FAM170B: variants seen among roughly 807,000 people sequenced by gnomAD.
The protein encoded by FAM170B is protein FAM170B.
A neutral mutation model predicts 3.9 loss-of-function variants in FAM170B; 4 were observed. The ratio of observed to expected loss-of-function variants is 1.01; its 90% CI spans 0.50 to 2.32. The LOEUF is 2.32. Among genes scored for constraint, FAM170B ranks in the 30% most tolerant of loss-of-function variants. The pLI is 0.02. For synonymous variants in FAM170B, 163 were observed against 149.8 expected (o/e 1.09, Z -0.64); for missense variants, 417 against 368.6 (o/e 1.13, Z -1.07).
Position 49,132,132 on chromosome 10 carries a change from C to A in FAM170B, c.333G>T (p.Thr111=). Residue 111 remains threonine (T), a synonymous_variant, in exon 2 of 2, where the codon ACG becomes ACT. Coordinates refer to ENST00000311787, the MANE Select transcript of FAM170B (RefSeq NM_001164484.2). Reference sequence around the variant, plus strand: ...CCACACCCCGCACAGTCTGCACGTGCGTGTAGAAGGCACACACACTCTGCG... The same window carrying A: ...CCACACCCCGCACAGTCTGCACGTGAGTGTAGAAGGCACACACACTCTGCG... ...AAPQSVCAFY[T]HVQTVRGVAV... 1.3e-6 allele frequency: 2 copies of A among 1,551,740 alleles called. No homozygotes were observed. The highest frequency in any genetic ancestry group is 1.7e-4 in the Middle Eastern group (1 of 5,992).
rs1020175450 is a variant in FAM170B at position 49,131,949 on chromosome 10, G to C, written c.516C>G (p.Asn172Lys). Reference protein sequence around the residue: ...MRWDLEACKSNCSPEPEDIDL... With the variant: ...MRWDLEACKSKCSPEPEDIDL... ...CTATGTCCTCGGGCTCGGGGCTGCA[G>C]TTGCTCTTGCAGGCTTCCAGGTCCC... Residue 172 changes from asparagine to lysine, a missense_variant, in exon 2 of 2, where the codon AAC becomes AAG. Asn to Lys is a moderately conservative substitution (Grantham distance 94). Coordinates refer to ENST00000311787, the MANE Select transcript of FAM170B (RefSeq NM_001164484.2). 16 of 1,551,026 alleles carry C rather than the reference G, an allele frequency of 1.0e-5. No individual in the cohort carries two copies. The highest frequency in any genetic ancestry group is 1.3e-5 in the Non-Finnish European group (15 of 1,146,990).
At position 49,131,431 on chromosome 10, in the gene FAM170B, G is replaced by A. The variant is rs1317584599; in HGVS notation, c.*182C>T. 1.5e-5 allele frequency: 12 copies of A among 815,152 alleles called. No homozygotes were observed. In the East Asian group the frequency reaches 3.3e-4, roughly 22 times the overall value. The allele number at this position is 815,152 out of a possible 1,614,324, so 50.5% of individuals were successfully genotyped here. A position where few individuals can be genotyped will look rare whatever the true frequency, so the allele number is the denominator to read the frequency against. ...AAATGGACTCTGGTGGAGATGCTGT[G>A]CCTAGGGCAGGAAGGGGGTTCCTTC... is the stretch of plus-strand genomic sequence containing the variant. On this transcript the variant is annotated 3_prime_UTR_variant, in exon 2 of 2. Coordinates refer to ENST00000311787, the MANE Select transcript of FAM170B (RefSeq NM_001164484.2).
Position 49,131,476 on chromosome 10 carries a change from G to T in FAM170B, c.*137C>A. ...TCCTTCCAGTCTCCTGGCCCTCCTT[G>T]CTCTACACTCCATGCCTTTCCTTCC... On this transcript the variant is annotated 3_prime_UTR_variant, in exon 2 of 2. Coordinates refer to ENST00000311787, the MANE Select transcript of FAM170B (RefSeq NM_001164484.2). 1 of 1,284,012 alleles carries T rather than the reference G, an allele frequency of 7.8e-7. No homozygotes were observed. Among genetic ancestry groups the T allele is most frequent in the Middle Eastern group, 2.7e-4 (1 of 3,706 alleles). 79.5% of individuals were successfully genotyped at this position (1,284,012 alleles called of 1,614,324 possible).
chr10:49,133,715 T>C, intron 1 of FAM170B, 92 bp downstream of exon 1: 1 of 1,001,852 alleles, frequency 1.0e-6, no homozygotes, highest in Non-Finnish European at 1.5e-6. Context: ...GGTAACAGTA[T>C]CAGGAGGCAA....
At chr10:49,133,178 C>G (rs868339192) in intron 1 of FAM170B, among the ~76,000 whole-genome samples, 1 of 152,196 alleles carries the variant, frequency 6.6e-6, no homozygotes, top group East Asian at 1.9e-4. Flanking sequence ...CCACCCAGAC[C>G]CACCATCCTC....
At chr10:49,133,786 C>T (rs1211771849) in intron 1 of FAM170B, 21 bp downstream of exon 1, 4 of 1,547,744 alleles carry the variant, frequency 2.6e-6, no homozygotes, top group Non-Finnish European at 3.5e-6. Flanking sequence ...GCTGACCTTC[C>T]AGGCCTTTCT....
In FAM170B at chr10:49,134,013, G is replaced by T; in HGVS notation, c.-95C>A. On this transcript the variant is annotated 5_prime_UTR_variant, in exon 1 of 2. Transcript: ENST00000311787. ...AGGCCTCCAGCTGGCCCCAGCCAGA[G>T]TGGACACTGAGCTCCCCATGGTCGC... 3.2e-6 allele frequency: 3 copies of T among 929,500 alleles called. No individual in the cohort carries two copies. Among genetic ancestry groups the T allele is most frequent in the Non-Finnish European group, 5.1e-6 (3 of 585,064 alleles). The allele number at this position is 929,500 out of a possible 1,614,324, so 57.6% of individuals were successfully genotyped here. A position where few individuals can be genotyped will look rare whatever the true frequency, so the allele number is the denominator to read the frequency against.
intron 1 of FAM170B, among the ~76,000 whole-genome samples, chr10:49,132,972 G>A (rs888630414): frequency 6.6e-6 from 1 of 152,082 alleles, no homozygotes; most frequent in African/African-American, 2.4e-5. Context: ...GAGGAGACTG[G>A]TCATAATAAG....
Position 49,131,642 on chromosome 10 carries a change from G to A in FAM170B, c.823C>T (p.Leu275Phe), listed in dbSNP as rs868671464. Residue 275 changes from leucine (L) to phenylalanine (F), a missense_variant, in exon 2 of 2, where the codon CTC becomes TTC. Coordinates refer to ENST00000311787, the MANE Select transcript of FAM170B (RefSeq NM_001164484.2). ...SECSRPQGEV[L>F]SAQQQEKQ ...TGCTTCTCCTGCTGCTGTGCTGAGA[G>A]CACCTCACCCTGGGGCCGGGAACAT... The A allele has an allele frequency of 5.2e-6, 8 of 1,551,720 alleles. No individual in the cohort carries two copies. In the African/African-American group the frequency reaches 5.5e-5, roughly 11 times the overall value.
rs569542018 is a variant in FAM170B, at chr10:49,132,030, C to T, written c.435G>A (p.Lys145=). 9.2e-5 allele frequency: 143 copies of T among 1,551,762 alleles called. 1 individual carries two copies. The South Asian group carries it at 1.6e-3, about 17-fold the overall frequency. Reference sequence around the variant, plus strand: ...AGGAGGAGCCGTTCCACCTCTGCCTCTTGATGAACTGGGCTTCATGGATGC... The same window carrying T: ...AGGAGGAGCCGTTCCACCTCTGCCTTTTGATGAACTGGGCTTCATGGATGC... ...KPRIHEAQFI[K]RQRWNGSSFE... is the part of the protein sequence containing the mutation. The change falls in exon 2 of 2, where the codon AAG becomes AAA. Residue 145 remains lysine, a synonymous_variant. Transcript: ENST00000311787.
chr10:49,131,966 C>T lies in FAM170B; in HGVS notation c.499G>A (p.Glu167Lys), dbSNP rs1439888614. 5 of 1,551,578 alleles carry T rather than the reference C, an allele frequency of 3.2e-6. No homozygotes were observed. The Admixed American group carries it at 7.8e-5, about 24-fold the overall frequency. The stretch of plus-strand genomic sequence containing the variant: ...GGGCTGCAGTTGCTCTTGCAGGCTT[C>T]CAGGTCCCAGCGCATATCGGTGTTG... ...ASNTDMRWDL[E>K]ACKSNCSPEP... is the part of the protein sequence containing the mutation. Residue 167 changes from glutamate to lysine, a missense_variant, in exon 2 of 2, where the codon GAA (glutamate) becomes AAA (lysine). Transcript: ENST00000311787.
In FAM170B at chr10:49,131,882, C is replaced by G; in HGVS notation, c.583G>C (p.Asp195His). The change falls in exon 2 of 2, where the codon GAC becomes CAC. Residue 195 changes from aspartate to histidine, a missense_variant. Physicochemically the swap from Asp to His is moderately conservative, Grantham distance 81. Transcript: ENST00000311787. ...CCGTAGTTGGTGGTGACCAGCCAGTCCGGCGGCTCCCGCAGCTCCTGCAGG... is the reference window on the plus strand; with the variant it reads ...CCGTAGTTGGTGGTGACCAGCCAGTGCGGCGGCTCCCGCAGCTCCTGCAGG... ...CCLQELREPP[D>H]WLVTTNYGVR... 4 of 1,546,486 alleles carry G rather than the reference C, an allele frequency of 2.6e-6. No individual in the cohort carries two copies. Among genetic ancestry groups the G allele is most frequent in the Non-Finnish European group, 3.5e-6 (4 of 1,146,896 alleles).
In FAM170B at chr10:49,131,812, G is replaced by T. The variant is rs1845185793; in HGVS notation, c.653C>A (p.Ala218Asp). The change falls in exon 2 of 2, where the codon GCT becomes GAT. Residue 218 changes from alanine (A) to aspartate (D), a missense_variant. Physicochemically the swap from Ala to Asp is moderately radical, Grantham distance 126 (BLOSUM62 -2). Transcript: ENST00000311787. ...GCCATGCTGGGCGTGCTCCAGCAGA[G>T]CGTCCAGGGAGGGCAAGACCCTGCA... is the stretch of plus-strand genomic sequence containing the variant. Reference protein sequence around the residue: ...ACCRVLPSLDALLEHAQHGIR... With the variant: ...ACCRVLPSLDDLLEHAQHGIR... 2 of 1,548,976 alleles carry T rather than the reference G, an allele frequency of 1.3e-6. No homozygotes were observed. Among genetic ancestry groups the T allele is most frequent in the African/African-American group, 2.7e-5 (2 of 73,194 alleles).
chr10:49,131,630 G>T lies in FAM170B; in HGVS notation c.835C>A (p.Gln279Lys), dbSNP rs1258444412. 1.3e-5 allele frequency: 20 copies of T among 1,551,338 alleles called. No homozygotes were observed. The highest frequency in any genetic ancestry group is 1.7e-5 in the Non-Finnish European group (20 of 1,146,810). Residue 279 changes from glutamine (Q) to lysine (K), a missense_variant, in exon 2 of 2, where the codon CAG (glutamine) becomes AAG (lysine). Physicochemically the swap from Gln to Lys is moderately conservative, Grantham distance 53. Transcript: ENST00000311787. ...CCTCTGGCTCACTGCTTCTCCTGCT[G>T]CTGTGCTGAGAGCACCTCACCCTGG... is the stretch of plus-strand genomic sequence containing the variant. ...RPQGEVLSAQ[Q>K]QEKQ
At chr10:49,133,503 A>G (rs7081243) in intron 1 of FAM170B, among the ~76,000 whole-genome samples, 37,991 of 152,176 alleles carry the variant, frequency 0.25, 5,009 homozygotes, top group Admixed American at 0.34. Context: ...TTTTTATTTC[A>G]CTGCTGAAAT....
chr10:49,133,820 T>A lies in FAM170B; in HGVS notation c.99A>T (p.Glu33Asp). The change falls in exon 1 of 2, where the codon GAA becomes GAT. Residue 33 changes from glutamate (E) to aspartate (D), a missense_variant. Coordinates refer to ENST00000311787, the MANE Select transcript of FAM170B (RefSeq NM_001164484.2). ...TSPESTEESV[E>D]VFWPGTIQRE... Reference sequence around the variant, plus strand: ...CTTTTCACCTACCTGGCCAGAACACTTCCACACTCTCCTCAGTGGACTCAG... The same window carrying A: ...CTTTTCACCTACCTGGCCAGAACACATCCACACTCTCCTCAGTGGACTCAG... 6.4e-7 allele frequency: 1 copy of A among 1,551,512 alleles called. No homozygotes were observed. Among genetic ancestry groups the A allele is most frequent in the Non-Finnish European group, 8.7e-7 (1 of 1,146,888 alleles).
intron 1 of FAM170B, among the ~76,000 whole-genome samples, chr10:49,132,956 G>C (rs1404103769): frequency 1.3e-5 from 2 of 152,112 alleles, no homozygotes. Context: ...GCTGGGGACG[G>C]GGTGAGAGGA....
Position 49,131,828 on chromosome 10 carries a change from AGACC to A in FAM170B, c.633_636del (p.Arg211SerfsTer150). On this transcript the variant is annotated frameshift_variant, in exon 2 of 2. Coordinates refer to ENST00000311787, the MANE Select transcript of FAM170B (RefSeq NM_001164484.2). LOFTEE classifies it low-confidence loss of function (END_TRUNC). ...TCCAGCAGAGCGTCCAGGGAGGGCA[AGACC>A]CTGCAGCAGGCCACGCAGCGCACCC... 6.5e-7 allele frequency: 1 copy of A among 1,547,954 alleles called. No homozygotes were observed. Among genetic ancestry groups the A allele is most frequent in the East Asian group, 2.4e-5 (1 of 40,918 alleles).
Position 49,131,347 on chromosome 10 carries a change from G to T in FAM170B, c.*266C>A. On this transcript the variant is annotated 3_prime_UTR_variant, in exon 2 of 2. Transcript: ENST00000311787. ...GAAATCCCTCTGGCCATGCGTTTGT[G>T]GGTTTCAGATGTTGTGCCTGCCATC... The T allele has an allele frequency of 2.3e-6, 1 of 427,582 alleles. No individual in the cohort carries two copies. The highest frequency in any genetic ancestry group is 4.1e-6 in the Non-Finnish European group (1 of 242,970). 26.5% of individuals were successfully genotyped at this position (427,582 alleles called of 1,614,324 possible).
Sources: allele counts gnomAD v4.1 joint callset (sites outside exome capture counted in the v4.1 genomes callset), GRCh38; gene constraint gnomAD v4.1.1; transcripts MANE v1.5; gene names NCBI Gene and HGNC (gene_info 2026-07-23, HGNC 2026-07-21).